The following GRIN2A variants were observed in gnomAD, a reference collection of about 807,000 sequenced individuals.
GRIN2A encodes the protein glutamate receptor ionotropic, NMDA 2A.
Under a neutral mutation model 113.4 loss-of-function variants are expected in GRIN2A, and 22 were observed. That is an observed-to-expected ratio of 0.19 (90% CI 0.14 to 0.28). The LOEUF (loss-of-function observed/expected upper bound fraction) is 0.28, where lower values mean the gene tolerates loss of function less well. Among genes scored for constraint, GRIN2A ranks in the 10% least tolerant of loss-of-function variants. The pLI is 1.00. For missense variants in GRIN2A, 1,502 were observed against 1,887.0 expected (o/e 0.80, Z 3.78); for synonymous variants, 827 against 738.4 (o/e 1.12, Z -1.94).
chr16:10,087,004 A>T (rs777718221), intron 2 of GRIN2A, among the ~76,000 whole-genome samples: 1 of 152,204 alleles, frequency 6.6e-6, no homozygotes, highest in Non-Finnish European at 1.5e-5. Context: ...GTGGATTACC[A>T]TGAATTGGGG....
At chr16:10,045,214 G>A (rs1448066059) in intron 2 of GRIN2A, among the ~76,000 whole-genome samples, 1 of 152,134 alleles carries the variant, frequency 6.6e-6, no homozygotes, top group African/African-American at 2.4e-5. Context: ...GTAAGATCTG[G>A]CCAGGAAAAT....
intron 7 of GRIN2A, among the ~76,000 whole-genome samples, chr16:9,840,215 A>G (rs1298783162): frequency 6.6e-6 from 1 of 152,196 alleles, no homozygotes; most frequent in Non-Finnish European, 1.5e-5. Flanking sequence ...GGAAACTTAC[A>G]ATCATGGCAG....
intron 2 of GRIN2A, among the ~76,000 whole-genome samples, chr16:9,940,908 G>A (rs1251987181): frequency 2.0e-5 from 3 of 152,078 alleles, no homozygotes; most frequent in African/African-American, 7.2e-5. Context: ...ACCAACAGAA[G>A]ACAACACAGA....
intron 2 of GRIN2A, among the ~76,000 whole-genome samples, chr16:10,080,364 A>G (rs937072654): frequency 6.6e-6 from 1 of 152,206 alleles, no homozygotes; most frequent in African/African-American, 2.4e-5. Context: ...TGACTCTGCC[A>G]GGCCCTGGGC....
chr16:10,127,764 G>GT (rs1309920764), intron 2 of GRIN2A, among the ~76,000 whole-genome samples: 7 of 152,132 alleles, frequency 4.6e-5, no homozygotes, highest in African/African-American at 1.4e-4. Flanking sequence ...CGCTATCTAC[G>GT]TAAGTCATCC....
At chr16:10,160,232 T>C (rs2049783518) in intron 2 of GRIN2A, among the ~76,000 whole-genome samples, 2 of 152,218 alleles carry the variant, frequency 1.3e-5, no homozygotes, top group African/African-American at 4.8e-5. Flanking sequence ...ACTAAGTACC[T>C]ACTCTCCCTC....
intron 2 of GRIN2A, among the ~76,000 whole-genome samples, chr16:10,123,007 A>G (rs1444007899): frequency 6.6e-6 from 1 of 152,238 alleles, no homozygotes; most frequent in Non-Finnish European, 1.5e-5. Flanking sequence ...CTAATAAAGA[A>G]CTAGAGCTGA....
chr16:9,841,222 G>C, intron 5 of GRIN2A, 118 bp from the exon 6 acceptor site: 1 of 860,378 alleles, frequency 1.2e-6, no homozygotes, highest in Non-Finnish European at 1.9e-6. Context: ...AAGGGGAAGT[G>C]GCTTTCCCAA....
intron 2 of GRIN2A, among the ~76,000 whole-genome samples, chr16:10,122,719 C>A (rs1567314778): frequency 6.6e-6 from 1 of 152,050 alleles, no homozygotes; most frequent in Non-Finnish European, 1.5e-5. Flanking sequence ...GGGTGCAGAC[C>A]TTCTTGGGCC....
At chr16:10,009,853 C>T (rs760857128) in intron 2 of GRIN2A, among the ~76,000 whole-genome samples, 2 of 152,132 alleles carry the variant, frequency 1.3e-5, no homozygotes, top group South Asian at 2.1e-4. Flanking sequence ...GTCACATGAC[C>T]GGAGACAAAC....
At chr16:10,040,572 T>TCA (rs112132209) in intron 2 of GRIN2A, among the ~76,000 whole-genome samples, 85 of 150,014 alleles carry the variant, frequency 5.7e-4, no homozygotes, top group Admixed American at 1.6e-3. Flanking sequence ...ACCCACATAT[T>TCA]CACACACACA....
chr16:9,812,637 CAAAACA>C (rs1431455142), intron 10 of GRIN2A, among the ~76,000 whole-genome samples: 1 of 147,754 alleles, frequency 6.8e-6, no homozygotes, highest in Admixed American at 6.7e-5. Context: ...GACTCTGTCT[CAAAACA>C]AAAACAAAAA....
chr16:10,037,141 G>C (rs547267311), intron 2 of GRIN2A: 1 of 152,130 alleles, frequency 6.6e-6, no homozygotes, highest in South Asian at 2.1e-4. Flanking sequence ...GTTCCGCCTC[G>C]GTTAGCAGAA....
At chr16:9,826,648 T>C (rs1231034394) in intron 9 of GRIN2A, among the ~76,000 whole-genome samples, 1 of 152,198 alleles carries the variant, frequency 6.6e-6, no homozygotes, top group Non-Finnish European at 1.5e-5. Flanking sequence ...TCTGGGAGCA[T>C]ATAGGTTATT....
intron 8 of GRIN2A, among the ~76,000 whole-genome samples, chr16:9,831,477 C>T (rs1413946411): frequency 6.6e-6 from 1 of 151,130 alleles, no homozygotes; most frequent in Non-Finnish European, 1.5e-5. Flanking sequence ...ACATGTATGT[C>T]ACCTGTCTCC....
At chr16:9,813,425 G>C (rs2042124772) in intron 10 of GRIN2A, among the ~76,000 whole-genome samples, 1 of 151,870 alleles carries the variant, frequency 6.6e-6, no homozygotes, top group Non-Finnish European at 1.5e-5. Flanking sequence ...CTGAAAATTT[G>C]TTAAATGTAA....
intron 2 of GRIN2A, among the ~76,000 whole-genome samples, chr16:10,018,600 C>T (rs2141889416): frequency 6.6e-6 from 1 of 152,254 alleles, no homozygotes; most frequent in East Asian, 1.9e-4. Flanking sequence ...AGGGGTGAAC[C>T]TCTGGTCCAC....
At chr16:10,124,105 T>C (rs148802397) in intron 2 of GRIN2A, among the ~76,000 whole-genome samples, 212 of 152,128 alleles carry the variant, frequency 1.4e-3, no homozygotes, top group African/African-American at 4.9e-3. Flanking sequence ...ACTCAACCCA[T>C]CAGCTTAGGT....
intron 10 of GRIN2A, among the ~76,000 whole-genome samples, chr16:9,802,812 AAATTTCATTT>A (rs1903447537): frequency 6.6e-6 from 1 of 152,264 alleles, no homozygotes; most frequent in Non-Finnish European, 1.5e-5. Flanking sequence ...AATGAGTTGT[AAATTTCATTT>A]AATTTCATTA....
Sources: allele counts gnomAD v4.1 joint callset (sites outside exome capture counted in the v4.1 genomes callset), GRCh38; gene constraint gnomAD v4.1.1; transcripts MANE v1.5; gene names NCBI Gene and HGNC (gene_info 2026-07-23, HGNC 2026-07-21).